HS3ST4: variants seen among roughly 807,000 people sequenced by gnomAD.
The protein encoded by HS3ST4 is heparan sulfate-glucosamine 3-sulfotransferase 4.
Under a neutral mutation model 29.2 loss-of-function variants are expected in HS3ST4, and 17 were observed. That is an observed-to-expected ratio of 0.58 (90% CI 0.40 to 0.87). The LOEUF is 0.87. Ranked by LOEUF, HS3ST4 falls within the 40% of genes least tolerant of loss-of-function variation. The probability of loss-of-function intolerance (pLI) is 0.00; values close to 1 mark genes in which losing one functional copy is unlikely to be tolerated. For missense variants in HS3ST4, 627 were observed against 634.5 expected (o/e 0.99, Z 0.13); for synonymous variants, 314 against 285.7 (o/e 1.10, Z -1.00).
At chr16:25,991,969 C>T (rs8045668) in intron 1 of HS3ST4, among the ~76,000 whole-genome samples, 9,104 of 152,120 alleles carry the variant, frequency 0.06, 320 homozygotes, top group African/African-American at 0.11. Context: ...TATAGTGAGC[C>T]GAGATGGCAC....
chr16:26,065,676 A>G (rs1198251138), intron 1 of HS3ST4, among the ~76,000 whole-genome samples: 3 of 152,250 alleles, frequency 2.0e-5, no homozygotes, highest in Admixed American at 6.5e-5. Context: ...AAGTTTGGAC[A>G]GTCAGCATAG....
chr16:25,874,751 CAATT>C, intron 1 of HS3ST4, among the ~76,000 whole-genome samples: 1 of 152,208 alleles, frequency 6.6e-6, no homozygotes, highest in Middle Eastern at 3.4e-3. Flanking sequence ...AGTAGATACT[CAATT>C]AATATTTGTC....
At chr16:26,058,877 C>T (rs1037105950) in intron 1 of HS3ST4, among the ~76,000 whole-genome samples, 12 of 152,182 alleles carry the variant, frequency 7.9e-5, no homozygotes, top group South Asian at 2.1e-4. Flanking sequence ...GGTGTCCTGA[C>T]GATCAGTTCA....
At chr16:25,958,068 G>A (rs1968754960) in intron 1 of HS3ST4, among the ~76,000 whole-genome samples, 1 of 152,140 alleles carries the variant, frequency 6.6e-6, no homozygotes, top group African/African-American at 2.4e-5. Flanking sequence ...AGGATTCTTT[G>A]CATACCTACT....
chr16:25,710,108 A>C (rs1483743586), intron 1 of HS3ST4, among the ~76,000 whole-genome samples: 2 of 152,182 alleles, frequency 1.3e-5, no homozygotes, highest in Admixed American at 1.3e-4. Flanking sequence ...TATAGAATTA[A>C]GTGTGATTTA....
chr16:26,031,527 T>A (rs1011658873), intron 1 of HS3ST4, among the ~76,000 whole-genome samples: 2 of 152,060 alleles, frequency 1.3e-5, no homozygotes, highest in African/African-American at 4.8e-5. Context: ...AAAGGCAAGC[T>A]TGATTATCGT....
chr16:25,920,541 A>G (rs1173969440), intron 1 of HS3ST4, among the ~76,000 whole-genome samples: 2 of 150,014 alleles, frequency 1.3e-5, no homozygotes, highest in African/African-American at 4.9e-5. Flanking sequence ...AGTTATCTGC[A>G]CCTGAAATGT....
intron 1 of HS3ST4, among the ~76,000 whole-genome samples, chr16:25,762,302 G>T (rs17704163): frequency 9.2e-5 from 14 of 152,094 alleles, no homozygotes; most frequent in African/African-American, 3.4e-4. Flanking sequence ...GGATTTGAAC[G>T]TGGGTCAGTC....
chr16:25,798,741 G>C (rs1966904616), intron 1 of HS3ST4, among the ~76,000 whole-genome samples: 1 of 152,182 alleles, frequency 6.6e-6, no homozygotes, highest in African/African-American at 2.4e-5. Flanking sequence ...TGGCAGTTGG[G>C]AGCATTAAAT....
chr16:25,862,197 A>ATTTT (rs1397937204), intron 1 of HS3ST4, among the ~76,000 whole-genome samples: 1 of 105,480 alleles, frequency 9.5e-6, no homozygotes, highest in African/African-American at 3.6e-5. Flanking sequence ...TTATTTATTT[A>ATTTT]TTTATTTATT....
chr16:25,994,316 A>G (rs897384452), intron 1 of HS3ST4, among the ~76,000 whole-genome samples: 4 of 151,700 alleles, frequency 2.6e-5, no homozygotes, highest in Admixed American at 1.3e-4. Flanking sequence ...TTTGTTCTGT[A>G]TAGTCTTGTT....
intron 1 of HS3ST4, among the ~76,000 whole-genome samples, chr16:25,944,200 G>A (rs188891049): frequency 2.6e-5 from 4 of 152,266 alleles, no homozygotes; most frequent in African/African-American, 7.2e-5. Flanking sequence ...AATAAGGCAC[G>A]CAGACACTGG....
chr16:25,940,219 A>G (rs1208982922), intron 1 of HS3ST4, among the ~76,000 whole-genome samples: 1 of 144,990 alleles, frequency 6.9e-6, no homozygotes, highest in Non-Finnish European at 1.5e-5. Flanking sequence ...TTTTTTTTTG[A>G]AACAGCTAAG....
At chr16:25,762,162 G>A (rs767762207) in intron 1 of HS3ST4, among the ~76,000 whole-genome samples, 4 of 152,092 alleles carry the variant, frequency 2.6e-5, no homozygotes, top group Non-Finnish European at 4.4e-5. Flanking sequence ...GGAACTGACT[G>A]TGCTGGCACC....
rs561503767 is a variant in HS3ST4, at chr16:26,037,032, C to T, written c.735-98580C>T. ...TCCATGACTTAAATTAATAAGAACC[C>T]TCCCATTGTGTGACTTTTGGTGTGG... On this transcript the variant is annotated intron_variant, in intron 1 of 1. Coordinates refer to ENST00000331351, the MANE Select transcript of HS3ST4 (RefSeq NM_006040.3). 8.5e-5 allele frequency among the ~76,000 whole-genome samples: 13 copies of T among 152,312 alleles called. 1 individual carries two copies. In the South Asian group the frequency reaches 2.5e-3, roughly 29 times the overall value.
chr16:25,830,290 T>C (rs950737203), intron 1 of HS3ST4, among the ~76,000 whole-genome samples: 2 of 152,228 alleles, frequency 1.3e-5, no homozygotes, highest in Non-Finnish European at 2.9e-5. Context: ...CGATGCCACA[T>C]TTACATTGCT....
At position 25,760,428 on chromosome 16, in the gene HS3ST4, T is replaced by TTG. The variant is rs1481552260; in HGVS notation, c.734+67278_734+67279insGT. ...ACCCACCCTAATGACTCCATGTTTT[T>TTG]TTTTTTTTTTGATGGAATTTCACTC... On this transcript the variant is annotated intron_variant, in intron 1 of 1. Coordinates refer to ENST00000331351, the MANE Select transcript of HS3ST4 (RefSeq NM_006040.3). 5.9e-5 allele frequency among the ~76,000 whole-genome samples: 9 copies of TTG among 151,326 alleles called. No individual in the cohort carries two copies. The East Asian group carries it at 1.8e-3, about 30-fold the overall frequency.
chr16:25,696,439 A>G (rs1010883523), intron 1 of HS3ST4, among the ~76,000 whole-genome samples: 1 of 152,014 alleles, frequency 6.6e-6, no homozygotes, highest in African/African-American at 2.4e-5. Flanking sequence ...AACCATGACC[A>G]CTTTACACTG....
intron 1 of HS3ST4, among the ~76,000 whole-genome samples, chr16:25,802,671 T>C (rs1195845678): frequency 2.0e-5 from 3 of 152,118 alleles, no homozygotes; most frequent in Admixed American, 6.5e-5. Context: ...AGATTACTGT[T>C]TAAGGACTTA....
Sources: allele counts gnomAD v4.1 joint callset (sites outside exome capture counted in the v4.1 genomes callset), GRCh38; gene constraint gnomAD v4.1.1; transcripts MANE v1.5; gene names NCBI Gene and HGNC (gene_info 2026-07-23, HGNC 2026-07-21).